CLCC1: variants seen among roughly 807,000 people sequenced by gnomAD.
CLCC1 encodes chloride channel CLIC-like protein 1.
In CLCC1, 39 loss-of-function variants were observed where a neutral mutation model predicts 63.3. The observed-to-expected ratio is 0.62, with a 90% CI of 0.48 to 0.81. The LOEUF (loss-of-function observed/expected upper bound fraction) is 0.81. Among genes scored for constraint, CLCC1 ranks in the 30% least tolerant of loss-of-function variants. CLCC1 has a pLI of 0.00. For missense variants in CLCC1, 549 were observed against 669.4 expected (o/e 0.82, Z 1.98); for synonymous variants, 217 against 239.8 (o/e 0.90, Z 0.88).
chr1:108,931,155 C>A lies in CLCC1; in HGVS notation c.*1392G>T. 3.1e-6 allele frequency: 2 copies of A among 648,972 alleles called. No individual in the cohort carries two copies. The highest frequency in any genetic ancestry group is 4.8e-6 in the Non-Finnish European group (2 of 415,820). 40.2% of individuals were successfully genotyped at this position (648,972 alleles called of 1,614,324 possible). On this transcript the variant is annotated 3_prime_UTR_variant, in exon 13 of 13. Transcript: ENST00000369969. The stretch of plus-strand genomic sequence containing the variant: ...GCTGTAAAACAAACTTTTCTAAGTT[C>A]TAATATAAAAACAAAAAACAAAACC...
intron 10 of CLCC1, 49 bp from the exon 11 acceptor site, chr1:108,937,467 C>A: frequency 1.4e-6 from 2 of 1,430,874 alleles, no homozygotes; most frequent in Non-Finnish European, 1.9e-6. Flanking sequence ...GGCTAACTTA[C>A]AAAAGTTATG....
At position 108,934,866 on chromosome 1, in the gene CLCC1, C is replaced by T; in HGVS notation, c.1460G>A (p.Ser487Asn). 6.2e-7 allele frequency: 1 copy of T among 1,614,240 alleles called. No individual in the cohort carries two copies. The highest frequency in any genetic ancestry group is 8.5e-7 in the Non-Finnish European group (1 of 1,180,030). The part of the protein sequence containing the change: ...ILGEGTPKES[S>N]TESSQSAKPV... ...CTTGGCCGACTGGCTGCTTTCAGTA[C>T]TGCTTTCTTTCGGTGTGCCTTCCCC... Residue 487 changes from serine to asparagine, a missense_variant, in exon 12 of 13, where the codon AGT (serine) becomes AAT (asparagine). Physicochemically the swap from Ser to Asn is conservative, Grantham distance 46. Coordinates refer to ENST00000369969, the MANE Select transcript of CLCC1 (RefSeq NM_001377458.1).
chr1:108,946,715 A>G (rs940768118), intron 5 of CLCC1, among the ~76,000 whole-genome samples: 1 of 152,218 alleles, frequency 6.6e-6, no homozygotes, highest in Admixed American at 6.5e-5. Flanking sequence ...GGAAAAAAAA[A>G]GTCTATGAGC....
At chr1:108,941,760 T>A (rs1420748367) in intron 7 of CLCC1, among the ~76,000 whole-genome samples, 1 of 152,110 alleles carries the variant, frequency 6.6e-6, no homozygotes, top group African/African-American at 2.4e-5. Flanking sequence ...TTCAAGCGAT[T>A]CTCCTGCCTC....
intron 10 of CLCC1, 52 bp from the exon 11 acceptor site, chr1:108,937,470 A>G: frequency 7.2e-7 from 1 of 1,395,036 alleles, no homozygotes; most frequent in Non-Finnish European, 9.7e-7. Flanking sequence ...TAACTTACAA[A>G]AGTTATGAGG....
At chr1:108,945,303 C>T (rs774314438) in intron 5 of CLCC1, among the ~76,000 whole-genome samples, 9 of 152,122 alleles carry the variant, frequency 5.9e-5, no homozygotes, top group Non-Finnish European at 8.8e-5. Context: ...CGAAATGATG[C>T]TGTTTAATGA....
chr1:108,951,529 T>A (rs1322213915), intron 2 of CLCC1, among the ~76,000 whole-genome samples: 2 of 152,210 alleles, frequency 1.3e-5, no homozygotes, highest in Non-Finnish European at 2.9e-5. Flanking sequence ...TGCTACATTA[T>A]GTGAAAGAAA....
chr1:108,949,559 A>G (rs1654940956), intron 4 of CLCC1, among the ~76,000 whole-genome samples: 1 of 152,228 alleles, frequency 6.6e-6, no homozygotes, highest in South Asian at 2.1e-4. Context: ...CCTTGCACCA[A>G]GAAGTCTGCA....
At position 108,941,418 on chromosome 1, in the gene CLCC1, A is replaced by G; in HGVS notation, c.783T>C (p.Thr261=). 1 of 1,613,960 alleles carries G rather than the reference A, an allele frequency of 6.2e-7. No homozygotes were observed. The highest frequency in any genetic ancestry group is 8.5e-7 in the Non-Finnish European group (1 of 1,179,846). Residue 261 remains threonine (T), a synonymous_variant, in exon 8 of 13, where the codon ACT becomes ACC. Coordinates refer to ENST00000369969, the MANE Select transcript of CLCC1 (RefSeq NM_001377458.1). Reference sequence around the variant, plus strand: ...CAAACACCTTACCCCAGATACTTCCAGTCCAGTCCATCTTTTTGGCACACA... The same window carrying G: ...CAAACACCTTACCCCAGATACTTCCGGTCCAGTCCATCTTTTTGGCACACA... ...NNVCAKKMDW[T]GSIWEWFRSS...
intron 2 of CLCC1, among the ~76,000 whole-genome samples, chr1:108,961,366 C>T (rs72984668): frequency 0.039 from 5,871 of 151,060 alleles, 395 homozygotes; most frequent in African/African-American, 0.14. Flanking sequence ...CTGGTGATGC[C>T]GCAGACCACA....
chr1:108,949,429 T>G (rs1053992278), intron 4 of CLCC1, among the ~76,000 whole-genome samples: 11 of 152,208 alleles, frequency 7.2e-5, no homozygotes, highest in African/African-American at 2.7e-4. Flanking sequence ...TTCTTAAGAG[T>G]AACTCTTATT....
chr1:108,961,274 AAG>A (rs1656590034), intron 2 of CLCC1, among the ~76,000 whole-genome samples: 1 of 117,560 alleles, frequency 8.5e-6, no homozygotes, highest in Non-Finnish European at 1.7e-5. Flanking sequence ...AAACCTGCTG[AAG>A]AGTTTGTTAA....
At position 108,962,043 on chromosome 1, in the gene CLCC1, A is replaced by C. The variant is rs565880231; in HGVS notation, c.-12+266T>G. On this transcript the variant is annotated intron_variant, in intron 2 of 12. Coordinates refer to ENST00000369969, the MANE Select transcript of CLCC1 (RefSeq NM_001377458.1). Reference sequence around the variant, plus strand: ...GGTAGAACCCAGACTGGCTCTACCTAAACTGCCTCTCCAGGGCAAAAGTAC... The same window carrying C: ...GGTAGAACCCAGACTGGCTCTACCTCAACTGCCTCTCCAGGGCAAAAGTAC... 2.6e-5 allele frequency among the ~76,000 whole-genome samples: 4 copies of C among 152,284 alleles called. No homozygotes were observed. In the South Asian group the frequency reaches 8.3e-4, roughly 32 times the overall value.
In CLCC1 at chr1:108,956,150, G is replaced by A. The variant is rs372494035; in HGVS notation, c.-11-5702C>T. ...ACCTTGTAAGAAGGCCAAGTCACACGAAGAGGCTGGGTGCAGGGGCACACT... is the reference window on the plus strand; with the variant it reads ...ACCTTGTAAGAAGGCCAAGTCACACAAAGAGGCTGGGTGCAGGGGCACACT... On this transcript the variant is annotated intron_variant, in intron 2 of 12. Coordinates refer to ENST00000369969, the MANE Select transcript of CLCC1 (RefSeq NM_001377458.1). Among the ~76,000 whole-genome samples the A allele has an allele frequency of 4.0e-5, 6 of 151,354 alleles. 1 individual carries two copies. Among genetic ancestry groups the A allele is most frequent in the African/African-American group, 1.5e-4 (6 of 40,668 alleles).
In CLCC1 at chr1:108,930,212, T is replaced by C. The variant is rs1257548412; in HGVS notation, c.*2335A>G. 2.8e-6 allele frequency: 1 copy of C among 361,314 alleles called. No homozygotes were observed. The highest frequency in any genetic ancestry group is 5.0e-6 in the Non-Finnish European group (1 of 200,558). The allele number at this position is 361,314 out of a possible 1,614,324, so 22.4% of individuals were successfully genotyped here. On this transcript the variant is annotated 3_prime_UTR_variant, in exon 13 of 13. Coordinates refer to ENST00000369969, the MANE Select transcript of CLCC1 (RefSeq NM_001377458.1). ...CTTGTGAGATTACTTTACCTAGTGT[T>C]TATAAAGTAGGAAGTTAAGTGAATC...
Position 108,931,834 on chromosome 1 carries a change from C to CA in CLCC1, c.*712dup, listed in dbSNP as rs1348865603. ...TTTTGTATTATTTGTACACAAAGTACAAATTTGTATTTGTACACAAAGTAC... is the reference window on the plus strand; with the variant it reads ...TTTTGTATTATTTGTACACAAAGTACAAAATTTGTATTTGTACACAAAGTAC... On this transcript the variant is annotated 3_prime_UTR_variant, in exon 13 of 13. Transcript: ENST00000369969. 2 of 170,430 alleles carry CA rather than the reference C, an allele frequency of 1.2e-5. No individual in the cohort carries two copies. The highest frequency in any genetic ancestry group is 2.5e-5 in the Non-Finnish European group (2 of 79,742). The allele number at this position is 170,430 out of a possible 1,614,324, so 10.6% of individuals were successfully genotyped here.
Position 108,937,355 on chromosome 1 carries a change from C to T in CLCC1, c.1105G>A (p.Glu369Lys), listed in dbSNP as rs201574326. 2.7e-4 allele frequency: 437 copies of T among 1,613,970 alleles called. No homozygotes were observed. The highest frequency in any genetic ancestry group is 3.5e-4 in the Non-Finnish European group (416 of 1,179,984). The change falls in exon 11 of 13, where the codon GAA becomes AAA. Residue 369 changes from glutamate to lysine, a missense_variant. Coordinates refer to ENST00000369969, the MANE Select transcript of CLCC1 (RefSeq NM_001377458.1). Reference sequence around the variant, plus strand: ...CGTGGCCGAAGTGCCTGGGGAGGTTCGCTCTCAGGACCGCCTATATGTCTC... The same window carrying T: ...CGTGGCCGAAGTGCCTGGGGAGGTTTGCTCTCAGGACCGCCTATATGTCTC... ...VLRHIGGPESEPPQALRPRDR... is the reference protein window; with the variant it reads ...VLRHIGGPESKPPQALRPRDR...
intron 7 of CLCC1, among the ~76,000 whole-genome samples, chr1:108,942,486 G>A (rs1653976795): frequency 6.6e-6 from 1 of 152,152 alleles, no homozygotes; most frequent in African/African-American, 2.4e-5. Context: ...ATGTCACAAT[G>A]CTTTAACCAG....
intron 8 of CLCC1, among the ~76,000 whole-genome samples, chr1:108,940,978 G>A (rs566718692): frequency 2.2e-4 from 33 of 151,910 alleles, no homozygotes; most frequent in African/African-American, 6.8e-4. Context: ...AATTTTTCCC[G>A]TAGTTAAAAA....
Sources: allele counts gnomAD v4.1 joint callset (sites outside exome capture counted in the v4.1 genomes callset), GRCh38; gene constraint gnomAD v4.1.1; transcripts MANE v1.5; gene names NCBI Gene and HGNC (gene_info 2026-07-23, HGNC 2026-07-21).